Variants in RBM47 observed in about 807,000 individuals in gnomAD.
RBM47 encodes RNA binding motif protein 47.
A neutral mutation model predicts 47.1 loss-of-function variants in RBM47; 21 were observed. The observed-to-expected ratio is 0.45, with a 90% confidence interval of 0.32 to 0.64. The LOEUF (loss-of-function observed/expected upper bound fraction) is 0.64, where lower values mean the gene tolerates loss of function less well. Among genes scored for constraint, RBM47 ranks in the 30% least tolerant of loss-of-function variants. The pLI, the probability that RBM47 is intolerant of heterozygous loss-of-function variation, is 0.05. For synonymous variants in RBM47, 375 were observed against 361.7 expected (o/e 1.04, Z -0.42); for missense variants, 708 against 870.9 (o/e 0.81, Z 2.35).
chr4:40,477,215 C>T (rs1258968471), intron 2 of RBM47, among the ~76,000 whole-genome samples: 7 of 152,064 alleles, frequency 4.6e-5, no homozygotes, highest in East Asian at 1.9e-4. Flanking sequence ...GCCAGAATGA[C>T]GACAAGAACA....
chr4:40,566,878 C>T (rs1731155928), intron 1 of RBM47, among the ~76,000 whole-genome samples: 1 of 151,748 alleles, frequency 6.6e-6, no homozygotes, highest in East Asian at 1.9e-4. Flanking sequence ...ACTCTTTATC[C>T]TCCCATGAGT....
intron 1 of RBM47, among the ~76,000 whole-genome samples, chr4:40,600,559 G>C (rs192176107): frequency 7.3e-5 from 11 of 151,262 alleles, no homozygotes; most frequent in African/African-American, 2.4e-4. Flanking sequence ...GCGTGAACCC[G>C]GGAGGCGGAG....
At chr4:40,596,549 G>A (rs78724055) in intron 1 of RBM47, among the ~76,000 whole-genome samples, 7,777 of 152,188 alleles carry the variant, frequency 0.051, 389 homozygotes, top group Non-Finnish European at 0.069. Context: ...ACTCAAATCC[G>A]CCATGTTGAG....
At chr4:40,443,725 A>C (rs1376588528) in intron 3 of RBM47, among the ~76,000 whole-genome samples, 10 of 70,720 alleles carry the variant, frequency 1.4e-4, no homozygotes, top group Non-Finnish European at 2.4e-4. Flanking sequence ...CTCAAAAAAA[A>C]AAAAAAAAAA....
In RBM47 at chr4:40,588,508, G is replaced by A. The variant is rs1023042284; in HGVS notation, c.-240+40888C>T. Among the ~76,000 whole-genome samples, 5 of 152,142 alleles carry A rather than the reference G, an allele frequency of 3.3e-5. No homozygotes were observed. In the South Asian group the frequency reaches 6.2e-4, roughly 19 times the overall value. On this transcript the variant is annotated intron_variant, in intron 1 of 6. Transcript: ENST00000295971. ...AGCTATGTTACTCTCTTGAAAACAC[G>A]AAATTATGGACAGCATAAAAGATTT...
rs549283804 is a variant in RBM47, at chr4:40,476,021, A to T, written c.-154-9322T>A. On this transcript the variant is annotated intron_variant, in intron 2 of 6. Transcript: ENST00000295971. ...CAAAAGCTTTGCCACTTCATAGAGGACATTTAACAGAAATATTTTATTCAA... is the reference window on the plus strand; with the variant it reads ...CAAAAGCTTTGCCACTTCATAGAGGTCATTTAACAGAAATATTTTATTCAA... Among the ~76,000 whole-genome samples the T allele has an allele frequency of 3.3e-5, 5 of 152,316 alleles. No homozygotes were observed. In the South Asian group the frequency reaches 1.0e-3, roughly 32 times the overall value.
intron 2 of RBM47, among the ~76,000 whole-genome samples, chr4:40,504,020 G>GA (rs935552994): frequency 1.3e-5 from 2 of 151,528 alleles, no homozygotes; most frequent in Admixed American, 6.6e-5. Context: ...AAAAAAAAGT[G>GA]AAAAAAAAAT....
At position 40,480,527 on chromosome 4, in the gene RBM47, A is replaced by G. The variant is rs1320782405; in HGVS notation, c.-154-13828T>C. Among the ~76,000 whole-genome samples the G allele has an allele frequency of 2.0e-5, 3 of 152,306 alleles. No individual in the cohort carries two copies. The East Asian group carries it at 5.8e-4, about 29-fold the overall frequency. On this transcript the variant is annotated intron_variant, in intron 2 of 6. Transcript: ENST00000295971. ...GGGACAGGAACTTCTGTACTAACCC[A>G]GAAAAACTTTGGAACTTTGAGATGG... is the stretch of plus-strand genomic sequence containing the variant.
chr4:40,523,846 C>G (rs1726450193), intron 2 of RBM47, among the ~76,000 whole-genome samples: 1 of 135,610 alleles, frequency 7.4e-6, no homozygotes, highest in Non-Finnish European at 1.5e-5. Context: ...GCTTGGGTGA[C>G]AGAGTGAGCC....
intron 1 of RBM47, among the ~76,000 whole-genome samples, chr4:40,546,951 C>T (rs948970124): frequency 6.6e-6 from 1 of 152,190 alleles, no homozygotes; most frequent in Non-Finnish European, 1.5e-5. Flanking sequence ...CTAAGTTCTA[C>T]CTGGCATTCT....
At position 40,578,400 on chromosome 4, in the gene RBM47, G is replaced by A. The variant is rs368481842; in HGVS notation, c.-239-33894C>T. Among the ~76,000 whole-genome samples, 109 of 152,274 alleles carry A rather than the reference G, an allele frequency of 7.2e-4. No individual in the cohort carries two copies. In the South Asian group the frequency reaches 9.3e-3, roughly 13 times the overall value. ...TTCCTATAATATGGAAGGAAGTGTT[G>A]CCCGATTCTAGAAACTCAAATAAAA... On this transcript the variant is annotated intron_variant, in intron 1 of 6. Transcript: ENST00000295971.
At chr4:40,538,159 G>C (rs973983741) in intron 2 of RBM47, among the ~76,000 whole-genome samples, 2 of 152,068 alleles carry the variant, frequency 1.3e-5, no homozygotes, top group South Asian at 4.1e-4. Context: ...CGTCAAATTT[G>C]ATCAGAGATC....
chr4:40,437,131 TAAAA>T (rs1560357505), intron 4 of RBM47, among the ~76,000 whole-genome samples: 18 of 91,126 alleles, frequency 2.0e-4, no homozygotes, highest in African/African-American at 8.4e-4. Context: ...TATATATATA[TAAAA>T]TACATATATA....
chr4:40,528,003 C>T (rs1726916809), intron 2 of RBM47, among the ~76,000 whole-genome samples: 1 of 152,122 alleles, frequency 6.6e-6, no homozygotes, highest in Non-Finnish European at 1.5e-5. Context: ...GGTGCACTGC[C>T]CATTAAGTAC....
chr4:40,565,264 A>T (rs1730989946), intron 1 of RBM47, among the ~76,000 whole-genome samples: 1 of 152,206 alleles, frequency 6.6e-6, no homozygotes, highest in African/African-American at 2.4e-5. Context: ...TCAGCATGAC[A>T]CTTGATACTA....
intron 1 of RBM47, among the ~76,000 whole-genome samples, chr4:40,622,388 T>C (rs1244895004): frequency 6.6e-6 from 1 of 152,178 alleles, no homozygotes; most frequent in African/African-American, 2.4e-5. Flanking sequence ...GCAAAGGCCC[T>C]GTGGTATGAA....
chr4:40,457,753 T>A (rs1716516941), intron 3 of RBM47, among the ~76,000 whole-genome samples: 1 of 152,170 alleles, frequency 6.6e-6, no homozygotes, highest in South Asian at 2.1e-4. Context: ...TTTTCATTCG[T>A]TAAACTTCTT....
Position 40,425,209 on chromosome 4 carries a change from G to A in RBM47, c.*695C>T, listed in dbSNP as rs1407189278. The A allele has an allele frequency of 7.9e-5, 12 of 152,684 alleles. No homozygotes were observed. The highest frequency in any genetic ancestry group is 7.9e-4 in the Admixed American group (12 of 15,276). 9.5% of individuals were successfully genotyped at this position (152,684 alleles called of 1,614,324 possible). The stretch of plus-strand genomic sequence containing the variant: ...TGAGCCCCGGCTAACGGTGGCAAAG[G>A]AGAGCTTTCCAGTGTTTGGACTCAG... On this transcript the variant is annotated 3_prime_UTR_variant, in exon 7 of 7. Coordinates refer to ENST00000295971, the MANE Select transcript of RBM47 (RefSeq NM_001098634.2).
chr4:40,592,446 C>G (rs1213784272), intron 1 of RBM47, among the ~76,000 whole-genome samples: 1 of 142,060 alleles, frequency 7.0e-6, no homozygotes, highest in East Asian at 2.0e-4. Context: ...TTTTTTAAGA[C>G]AGAGTTTCGC....
Sources: allele counts gnomAD v4.1 joint callset (sites outside exome capture counted in the v4.1 genomes callset), GRCh38; gene constraint gnomAD v4.1.1; transcripts MANE v1.5; gene names NCBI Gene and HGNC (gene_info 2026-07-23, HGNC 2026-07-21).